Variants in LPAR1 observed in about 807,000 individuals in gnomAD.
LPAR1 encodes the protein LPA receptor 1.
Under a neutral mutation model 23.8 loss-of-function variants are expected in LPAR1, and 5 were observed. The ratio of observed to expected loss-of-function variants is 0.21; its 90% CI spans 0.11 to 0.44. The LOEUF (loss-of-function observed/expected upper bound fraction) is 0.44. LPAR1 is among the 20% of genes least tolerant of loss of function. The pLI, the probability that LPAR1 is intolerant of heterozygous loss-of-function variation, is 0.99. For synonymous variants in LPAR1, 160 were observed against 164.7 expected, an observed-to-expected ratio of 0.97 and a Z score of 0.22; for missense variants, 311 against 482.8, an observed-to-expected ratio of 0.64 and a Z score of 3.33.
At chr9:110,953,662 T>C (rs1384591915) in intron 4 of LPAR1, among the ~76,000 whole-genome samples, 4 of 106,654 alleles carry the variant, frequency 3.8e-5, no homozygotes, top group Admixed American at 1.9e-4. Flanking sequence ...AAACTTGGTC[T>C]CAAAAAAAAA....
At chr9:110,963,805 G>GTATGTTATT (rs1455746456) in intron 4 of LPAR1, among the ~76,000 whole-genome samples, 2 of 152,162 alleles carry the variant, frequency 1.3e-5, no homozygotes, top group African/African-American at 4.8e-5. Flanking sequence ...TTACCACACT[G>GTATGTTATT]TATGTTATTT....
chr9:110,947,013 A>ATAAT (rs34931299), intron 4 of LPAR1, among the ~76,000 whole-genome samples: 20,005 of 152,122 alleles, frequency 0.13, 1,480 homozygotes, highest in Admixed American at 0.21. Context: ...ACTGAACTGA[A>ATAAT]TAATACACTA....
intron 5 of LPAR1, among the ~76,000 whole-genome samples, chr9:110,905,855 T>G (rs2091060376): frequency 6.6e-6 from 1 of 152,208 alleles, no homozygotes; most frequent in Admixed American, 6.5e-5. Context: ...TGTGTGCACT[T>G]GCTGGCTGCG....
intron 4 of LPAR1, chr9:110,945,526 A>G (rs1185889731): frequency 2.0e-5 from 3 of 152,358 alleles, no homozygotes; most frequent in African/African-American, 7.2e-5. Context: ...AAAATAGAAC[A>G]AGCCATTATG....
chr9:110,905,647 C>T (rs1438526989), intron 5 of LPAR1, among the ~76,000 whole-genome samples: 1 of 152,126 alleles, frequency 6.6e-6, no homozygotes, highest in Non-Finnish European at 1.5e-5. Context: ...GCCACGGCAC[C>T]CAGCCTGCTA....
chr9:110,961,617 CAAAAAAA>C (rs57773067), intron 4 of LPAR1, among the ~76,000 whole-genome samples: 13 of 79,866 alleles, frequency 1.6e-4, no homozygotes, highest in African/African-American at 4.6e-4. Context: ...GAGACTATCT[CAAAAAAA>C]AAAAAAAAAA....
At chr9:110,928,383 A>G (rs899394817) in intron 5 of LPAR1, among the ~76,000 whole-genome samples, 1 of 152,236 alleles carries the variant, frequency 6.6e-6, no homozygotes, top group Non-Finnish European at 1.5e-5. Flanking sequence ...CTAATATAAC[A>G]TAACTACAGT....
intron 4 of LPAR1, among the ~76,000 whole-genome samples, chr9:110,966,964 T>C (rs544552511): frequency 6.6e-6 from 1 of 152,244 alleles, no homozygotes; most frequent in South Asian, 2.1e-4. Context: ...AGAAAATGGC[T>C]CTGGAGAGCT....
At chr9:110,995,688 C>T (rs1017732246) in intron 2 of LPAR1, among the ~76,000 whole-genome samples, 2 of 152,186 alleles carry the variant, frequency 1.3e-5, no homozygotes, top group African/African-American at 4.8e-5. Context: ...TGGCCTCATT[C>T]TTTGATATAC....
intron 5 of LPAR1, among the ~76,000 whole-genome samples, chr9:110,889,401 T>C (rs1435937494): frequency 6.6e-6 from 1 of 151,836 alleles, no homozygotes; most frequent in African/African-American, 2.4e-5. Flanking sequence ...CCACATTAAG[T>C]TGGTGAAAAG....
chr9:110,970,266 G>A (rs1450580599), intron 4 of LPAR1, among the ~76,000 whole-genome samples: 5 of 152,116 alleles, frequency 3.3e-5, no homozygotes, highest in South Asian at 2.1e-4. Flanking sequence ...CTCACTTCAC[G>A]AAAGGACTAA....
At chr9:110,917,801 C>T (rs2093311951) in intron 5 of LPAR1, among the ~76,000 whole-genome samples, 1 of 152,134 alleles carries the variant, frequency 6.6e-6, no homozygotes, top group East Asian at 1.9e-4. Context: ...CTTTACCTGA[C>T]TCCATGTCAT....
In LPAR1 at chr9:110,941,768, G is replaced by A. The variant is rs2095123857; in HGVS notation, c.446C>T (p.Thr149Met). 6.2e-7 allele frequency: 1 copy of A among 1,614,178 alleles called. No homozygotes were observed. The highest frequency in any genetic ancestry group is 8.5e-7 in the Non-Finnish European group (1 of 1,180,032). The change falls in exon 5 of 6, where the codon ACG becomes ATG. Residue 149 changes from threonine (T) to methionine (M), a missense_variant. Thr to Met is a moderately conservative substitution (Grantham distance 81). Around this residue, in one of 2 missense-constraint regions of LPAR1, gnomAD observed 250 missense variants for 427.2 expected, o/e 0.59. Coordinates refer to ENST00000683809, the MANE Select transcript of LPAR1 (RefSeq NM_001351411.2). The surrounding 1 kb of genome is among the most constrained non-coding windows in gnomAD (Gnocchi z 6.1). ...TGTGTGGAGCTGCATGCGGAAAACC[G>A]TAATGTGCCTCTCGATTGCAATAGC... ...LLAIAIERHI[T>M]VFRMQLHTRM...
rs550203212 is a variant in LPAR1, at chr9:111,034,646, G to A, written c.-182+1476C>T. Among the ~76,000 whole-genome samples the A allele has an allele frequency of 7.2e-5, 11 of 152,220 alleles. No homozygotes were observed. The South Asian group carries it at 8.3e-4, about 11-fold the overall frequency. On this transcript the variant is annotated intron_variant, in intron 2 of 5. Transcript: ENST00000683809. ...TAAACAGGCAATAGTGTCTTAAAAC[G>A]TAGCAGCCATAAGTTACACGGATTG...
intron 4 of LPAR1, among the ~76,000 whole-genome samples, chr9:110,949,253 C>T (rs939518144): frequency 1.3e-5 from 2 of 152,112 alleles, no homozygotes; most frequent in Non-Finnish European, 2.9e-5. Context: ...TGAATATAAA[C>T]TCATCTTCCA....
intron 2 of LPAR1, among the ~76,000 whole-genome samples, chr9:111,001,383 T>G (rs2097125761): frequency 6.6e-6 from 1 of 152,120 alleles, no homozygotes; most frequent in Non-Finnish European, 1.5e-5. Context: ...TAAGACATAT[T>G]AAAAGCCATG....
chr9:110,970,779 G>A (rs866635398), intron 4 of LPAR1, among the ~76,000 whole-genome samples: 1 of 152,122 alleles, frequency 6.6e-6, no homozygotes, highest in Non-Finnish European at 1.5e-5. Context: ...GTGGAACAAC[G>A]TTCTGTATCA....
At chr9:111,024,884 CT>C (rs1219057281) in intron 2 of LPAR1, among the ~76,000 whole-genome samples, 2 of 152,050 alleles carry the variant, frequency 1.3e-5, no homozygotes, top group African/African-American at 2.4e-5. Flanking sequence ...ATGAACTCAC[CT>C]TTTTTATGGC....
At chr9:111,026,425 G>A (rs2097692714) in intron 2 of LPAR1, among the ~76,000 whole-genome samples, 1 of 152,132 alleles carries the variant, frequency 6.6e-6, no homozygotes, top group African/African-American at 2.4e-5. Flanking sequence ...AGGAGATTTT[G>A]GCTGAGACGA....
Sources: allele counts gnomAD v4.1 joint callset (sites outside exome capture counted in the v4.1 genomes callset), GRCh38; gene constraint gnomAD v4.1.1; regional missense constraint gnomAD v4.1.1; non-coding constraint Gnocchi (gnomAD v3.1); transcripts MANE v1.5; gene names NCBI Gene and HGNC (gene_info 2026-07-23, HGNC 2026-07-21).